GRIN2B: variants seen among roughly 807,000 people sequenced by gnomAD.
GRIN2B encodes glutamate receptor ionotropic, NMDA 2B.
GRIN2B carries 5 observed loss-of-function variants against 114.5 expected under a neutral mutation model. The observed-to-expected ratio is 0.04, with a 90% CI of 0.02 to 0.09. GRIN2B has a LOEUF of 0.09. Among genes scored for constraint, GRIN2B ranks in the 10% least tolerant of loss-of-function variants. The pLI, the probability that GRIN2B is intolerant of heterozygous loss-of-function variation, is 1.00. For synonymous variants in GRIN2B, 787 were observed against 745.1 expected (o/e 1.06, Z -0.92); for missense variants, 1,108 against 1,943.5 (o/e 0.57, Z 8.08).
At chr12:13,882,420 A>T (rs912684705) in intron 2 of GRIN2B, among the ~76,000 whole-genome samples, 78 of 151,854 alleles carry the variant, frequency 5.1e-4, no homozygotes, top group Non-Finnish European at 7.2e-4. Flanking sequence ...ACAAATAAAA[A>T]TTTTTTTTTC....
intron 5 of GRIN2B, among the ~76,000 whole-genome samples, chr12:13,631,155 G>A (rs1301436958): frequency 6.6e-6 from 1 of 152,086 alleles, no homozygotes; most frequent in Admixed American, 6.6e-5. Context: ...GGTTGGCAAC[G>A]CAGAGCCAAA....
chr12:13,941,896 GTCT>G (rs1867261524), intron 2 of GRIN2B, among the ~76,000 whole-genome samples: 1 of 152,208 alleles, frequency 6.6e-6, no homozygotes, highest in South Asian at 2.1e-4. Flanking sequence ...GCAGCGCAGT[GTCT>G]GCTAAGGACA....
intron 4 of GRIN2B, among the ~76,000 whole-genome samples, chr12:13,718,141 C>A (rs1044461252): frequency 6.6e-6 from 1 of 152,010 alleles, no homozygotes; most frequent in African/African-American, 2.4e-5. Context: ...GACATCCTCC[C>A]CCAGTGCCAC....
intron 2 of GRIN2B, among the ~76,000 whole-genome samples, chr12:13,907,513 C>T (rs115531156): frequency 0.013 from 1,873 of 149,712 alleles, 41 homozygotes; most frequent in African/African-American, 0.043. Context: ...AAAAAAAAGT[C>T]CTCCAGACAC....
At chr12:13,706,155 C>T (rs1277302418) in intron 4 of GRIN2B, among the ~76,000 whole-genome samples, 5 of 152,062 alleles carry the variant, frequency 3.3e-5, no homozygotes, top group Middle Eastern at 3.4e-3. Context: ...CTAGAGGTCC[C>T]CTCCACCTAT....
At chr12:13,700,987 C>G (rs1950306633) in intron 4 of GRIN2B, among the ~76,000 whole-genome samples, 1 of 152,178 alleles carries the variant, frequency 6.6e-6, no homozygotes, top group African/African-American at 2.4e-5. Flanking sequence ...ACTCACAATT[C>G]AGCAAGGCTG....
chr12:13,944,680 C>A (rs1222016275), intron 2 of GRIN2B, among the ~76,000 whole-genome samples: 1 of 152,168 alleles, frequency 6.6e-6, no homozygotes, highest in Non-Finnish European at 1.5e-5. Context: ...CAACAACTTG[C>A]CCAAGGCCAT....
rs1591606659 is a variant in GRIN2B at position 13,564,081 on chromosome 12, C to T, written c.3157G>A (p.Asp1053Asn). Residue 1053 changes from aspartate (D) to asparagine (N), a missense_variant, in exon 14 of 14, where the codon GAC (aspartate) becomes AAC (asparagine). Physicochemically the swap from Asp to Asn is conservative, Grantham distance 23 (BLOSUM62 1). This residue lies in a region of GRIN2B where 140 missense variants were observed against 187.5 expected (regional missense o/e 0.75). Coordinates refer to ENST00000609686, the MANE Select transcript of GRIN2B (RefSeq NM_000834.5). The surrounding 1 kb of genome is among the most constrained non-coding windows in gnomAD (Gnocchi z 4.8). The part of the protein sequence containing the change: ...SFKSDRYSGH[D>N]DLIRSDVSDI... ...GAGACATCGGAGCGGATCAAGTCGT[C>T]GTGGCCACTGTAGCGGTCGCTCTTG... The T allele has an allele frequency of 1.2e-6, 2 of 1,614,190 alleles. No individual in the cohort carries two copies. The highest frequency in any genetic ancestry group is 8.5e-7 in the Non-Finnish European group (1 of 1,180,030).
intron 4 of GRIN2B, among the ~76,000 whole-genome samples, chr12:13,689,221 T>C (rs4554984): frequency 0.75 from 114,353 of 151,946 alleles, 43,851 homozygotes; most frequent in Middle Eastern, 0.87. Flanking sequence ...TCCACTTGCA[T>C]TTATCCCTAT....
intron 3 of GRIN2B, among the ~76,000 whole-genome samples, chr12:13,789,202 T>C (rs765178122): frequency 1.6e-4 from 25 of 152,328 alleles, no homozygotes; most frequent in Admixed American, 5.2e-4. Flanking sequence ...AACAACAGCC[T>C]CTGTAGGATC....
chr12:13,872,475 G>A (rs1036126794), intron 2 of GRIN2B, among the ~76,000 whole-genome samples: 2 of 150,250 alleles, frequency 1.3e-5, no homozygotes, highest in Non-Finnish European at 3.0e-5. Flanking sequence ...AAAAAATAGT[G>A]CTAACTAAAA....
intron 2 of GRIN2B, among the ~76,000 whole-genome samples, chr12:13,949,277 C>A (rs1416610402): frequency 1.3e-5 from 2 of 152,164 alleles, no homozygotes; most frequent in African/African-American, 4.8e-5. Context: ...TTAGAGAAAT[C>A]TCAGAAGATT....
At chr12:13,577,243 A>G (rs1292615984) in intron 10 of GRIN2B, among the ~76,000 whole-genome samples, 1 of 152,262 alleles carries the variant, frequency 6.6e-6, no homozygotes, top group Non-Finnish European at 1.5e-5. Flanking sequence ...CAGGGCTTCC[A>G]GCAATTGCTT....
chr12:13,654,858 G>T (rs1350525134), intron 5 of GRIN2B, among the ~76,000 whole-genome samples: 2 of 152,068 alleles, frequency 1.3e-5, no homozygotes, highest in Admixed American at 6.6e-5. Context: ...TAAGGTTTCA[G>T]AACAGCTCTC....
At chr12:13,730,318 T>C (rs1411059643) in intron 4 of GRIN2B, among the ~76,000 whole-genome samples, 1 of 152,230 alleles carries the variant, frequency 6.6e-6, no homozygotes, top group Admixed American at 6.5e-5. Flanking sequence ...CAATAATTAA[T>C]GTCAATATGA....
At chr12:13,894,204 AC>A (rs1454035430) in intron 2 of GRIN2B, among the ~76,000 whole-genome samples, 1 of 152,110 alleles carries the variant, frequency 6.6e-6, no homozygotes, top group Admixed American at 6.6e-5. Context: ...CATACCTTTG[AC>A]CCCGTAATTC....
chr12:13,951,049 C>T (rs992423117), intron 2 of GRIN2B, among the ~76,000 whole-genome samples: 1 of 151,990 alleles, frequency 6.6e-6, no homozygotes, highest in Non-Finnish European at 1.5e-5. Flanking sequence ...AGAGCAAGGC[C>T]AAGAGAGAGT....
intron 2 of GRIN2B, among the ~76,000 whole-genome samples, chr12:13,890,499 A>G (rs1866240464): frequency 6.6e-6 from 1 of 152,186 alleles, no homozygotes; most frequent in Non-Finnish European, 1.5e-5. Context: ...CAGTGGCAGC[A>G]CTAGAATTTC....
chr12:13,720,194 T>G (rs1424396732), intron 4 of GRIN2B, among the ~76,000 whole-genome samples: 1 of 152,046 alleles, frequency 6.6e-6, no homozygotes, highest in Non-Finnish European at 1.5e-5. Flanking sequence ...TTGTGTCACT[T>G]CCCAGGTACC....
Sources: allele counts gnomAD v4.1 joint callset (sites outside exome capture counted in the v4.1 genomes callset), GRCh38; gene constraint gnomAD v4.1.1; regional missense constraint gnomAD v4.1.1; non-coding constraint Gnocchi (gnomAD v3.1); transcripts MANE v1.5; gene names NCBI Gene and HGNC (gene_info 2026-07-23, HGNC 2026-07-21).